FNBP1: variants seen among roughly 807,000 people sequenced by gnomAD.
FNBP1 encodes the protein formin binding protein 1, also known as formin-binding protein 1.
A neutral mutation model predicts 90.6 loss-of-function variants in FNBP1; 26 were observed. That is an observed-to-expected ratio of 0.29 (90% CI 0.21 to 0.40). FNBP1 has a LOEUF of 0.40. Ranked by LOEUF, FNBP1 falls within the 10% of genes least tolerant of loss-of-function variation. The probability of loss-of-function intolerance (pLI) is 1.00; values close to 1 mark genes in which losing one functional copy is unlikely to be tolerated. For missense variants in FNBP1, 635 were observed against 768.0 expected (o/e 0.83, Z 2.05); for synonymous variants, 260 against 265.2 (o/e 0.98, Z 0.19).
At chr9:129,911,218 T>C (rs1012453404) in intron 11 of FNBP1, among the ~76,000 whole-genome samples, 3 of 152,094 alleles carry the variant, frequency 2.0e-5, no homozygotes, top group Admixed American at 1.3e-4. Flanking sequence ...GAAAACAGAA[T>C]CTCTCTATCT....
chr9:129,919,456 G>A (rs940012165), intron 10 of FNBP1, among the ~76,000 whole-genome samples: 14 of 152,062 alleles, frequency 9.2e-5, no homozygotes, highest in African/African-American at 2.9e-4. Context: ...TTTAATTTAA[G>A]CAATAAAATT....
At chr9:130,020,818 T>A (rs967352186) in intron 1 of FNBP1, among the ~76,000 whole-genome samples, 2 of 152,142 alleles carry the variant, frequency 1.3e-5, no homozygotes, top group Non-Finnish European at 2.9e-5. Context: ...TTTTCTCATG[T>A]GGCAGGCAGC....
chr9:129,893,748 C>T (rs979896964), intron 16 of FNBP1, among the ~76,000 whole-genome samples: 3 of 150,100 alleles, frequency 2.0e-5, no homozygotes, highest in Non-Finnish European at 1.5e-5. Context: ...AACCCTGTCT[C>T]TACTAAAAAT....
At chr9:130,048,940 C>G in the FNBP1 span, among the ~76,000 whole-genome samples, 1 of 151,676 alleles carries the variant, frequency 6.6e-6, no homozygotes, top group Non-Finnish European at 1.5e-5. Context: ...GCCACCATGC[C>G]TGGCTAGTAT....
At chr9:129,949,698 C>T (rs1361989030) in intron 6 of FNBP1, among the ~76,000 whole-genome samples, 1 of 141,926 alleles carries the variant, frequency 7.0e-6, no homozygotes, top group Non-Finnish European at 1.5e-5. Flanking sequence ...TCGATCACCA[C>T]AAAAAGTAAA....
At chr9:129,963,599 TCTTC>T (rs143011225) in intron 4 of FNBP1, among the ~76,000 whole-genome samples, 5,034 of 149,356 alleles carry the variant, frequency 0.034, 189 homozygotes, top group African/African-American at 0.085. Flanking sequence ...GTGATGCCCA[TCTTC>T]CTTCCTTCCA....
chr9:129,999,306 T>C (rs1028505443), intron 1 of FNBP1, among the ~76,000 whole-genome samples: 3 of 151,988 alleles, frequency 2.0e-5, no homozygotes, highest in Admixed American at 1.3e-4. Flanking sequence ...TAAAAATCCT[T>C]GAGAACCAGC....
intron 1 of FNBP1, among the ~76,000 whole-genome samples, chr9:130,006,742 G>A (rs925428443): frequency 2.6e-5 from 4 of 152,162 alleles, no homozygotes; most frequent in African/African-American, 9.7e-5. Context: ...GTCTGTTTCT[G>A]TTGCAGAAAT....
chr9:129,927,413 TG>T (rs2042076481), intron 7 of FNBP1, 72 bp from the exon 8 acceptor site: 1 of 1,463,798 alleles, frequency 6.8e-7, no homozygotes, highest in African/African-American at 1.4e-5. Context: ...TCGGCAGCAT[TG>T]TTACCTCTAA....
chr9:129,989,189 G>C (rs1030314452), intron 2 of FNBP1, among the ~76,000 whole-genome samples: 2 of 152,126 alleles, frequency 1.3e-5, no homozygotes, highest in African/African-American at 4.8e-5. Context: ...ACATCACTGC[G>C]TTTACATATT....
At chr9:130,013,887 G>C (rs1026672181) in intron 1 of FNBP1, 1 of 426,356 alleles carries the variant, frequency 2.3e-6, no homozygotes, top group Non-Finnish European at 4.7e-6. Context: ...AGTGGCAAAA[G>C]GCCTTCAACT....
intron 11 of FNBP1, among the ~76,000 whole-genome samples, chr9:129,909,927 G>A (rs2038927354): frequency 6.6e-6 from 1 of 152,184 alleles, no homozygotes; most frequent in Non-Finnish European, 1.5e-5. Flanking sequence ...TCAGAGTTCA[G>A]AGAGAATGCC....
Position 129,965,706 on chromosome 9 carries a change from G to A in FNBP1, c.346-7153C>T, listed in dbSNP as rs1359666486. ...AAAACACACACACACACGCGCGCGC[G>A]CGCACACACACACACACATAGAAAG... is the stretch of plus-strand genomic sequence containing the variant. On this transcript the variant is annotated intron_variant, in intron 4 of 16. Coordinates refer to ENST00000446176, the MANE Select transcript of FNBP1 (RefSeq NM_015033.3). Among the ~76,000 whole-genome samples, 11 of 110,870 alleles carry A rather than the reference G, an allele frequency of 9.9e-5. 1 individual carries two copies. Among genetic ancestry groups the A allele is most frequent in the Admixed American group, 9.3e-4 (9 of 9,696 alleles). The allele number at this position is 110,870 out of a possible 152,430, so 72.7% of individuals were successfully genotyped here. A position where few individuals can be genotyped will look rare whatever the true frequency, so the allele number is the denominator to read the frequency against.
intron 3 of FNBP1, among the ~76,000 whole-genome samples, 182 bp downstream of exon 3, chr9:129,979,136 G>A (rs934409115): frequency 6.6e-6 from 1 of 152,188 alleles, no homozygotes; most frequent in Admixed American, 6.5e-5. Flanking sequence ...ATCTGGCATA[G>A]GTCCAGTGAC....
intron 1 of FNBP1, chr9:130,014,157 A>G (rs2131740501): frequency 2.3e-6 from 1 of 431,128 alleles, no homozygotes; most frequent in Non-Finnish European, 4.7e-6. Flanking sequence ...GAACACTCAA[A>G]TAGGGTGGCA....
chr9:129,907,978 C>T (rs1050399900), intron 12 of FNBP1, among the ~76,000 whole-genome samples: 2 of 151,944 alleles, frequency 1.3e-5, no homozygotes, highest in East Asian at 1.9e-4. Flanking sequence ...CTGCCCGCCT[C>T]GGCCTCCCAA....
Position 130,031,618 on chromosome 9 carries a change from G to C in FNBP1, c.24+11334C>G, listed in dbSNP as rs1323586136. Among the ~76,000 whole-genome samples the C allele has an allele frequency of 6.6e-6, 1 of 151,968 alleles. No individual in the cohort carries two copies. The highest frequency in any genetic ancestry group is 1.9e-4 in the East Asian group (1 of 5,190). ...TTACACTCCTGTACACATTTCCATGGAGTTACCCTACCTTAGTCCTTATTA... is the reference window on the plus strand; with the variant it reads ...TTACACTCCTGTACACATTTCCATGCAGTTACCCTACCTTAGTCCTTATTA... On this transcript the variant is annotated intron_variant, in intron 1 of 16. Coordinates refer to ENST00000446176, the MANE Select transcript of FNBP1 (RefSeq NM_015033.3). The surrounding 1 kb of genome is among the most constrained non-coding windows in gnomAD (Gnocchi z 4.2).
At chr9:129,997,980 A>G (rs1589158810) in intron 1 of FNBP1, among the ~76,000 whole-genome samples, 4 of 149,924 alleles carry the variant, frequency 2.7e-5, no homozygotes, top group Admixed American at 1.3e-4. Context: ...TGAGGTCAGG[A>G]GTTTGAGACT....
At chr9:129,929,775 T>A (rs893234727) in intron 6 of FNBP1, 80 bp from the exon 7 acceptor site, 2 of 1,370,852 alleles carry the variant, frequency 1.5e-6, no homozygotes, top group Non-Finnish European at 2.0e-6. Flanking sequence ...AGCCTAGAAC[T>A]GCACACTGGG....
Sources: gnomAD v4.1 joint callset for allele counts (sites outside exome capture counted in the v4.1 genomes callset) on GRCh38, gnomAD v4.1.1 for gene constraint, Gnocchi (gnomAD v3.1) non-coding constraint, MANE v1.5 for transcripts, NCBI Gene and HGNC (gene_info 2026-07-23, HGNC 2026-07-21) for gene names.